Variants in GSTM4 observed in about 807,000 individuals in gnomAD.
GSTM4 encodes GST class-mu 4.
Under a neutral mutation model 30.1 loss-of-function variants are expected in GSTM4, and 27 were observed. That is an observed-to-expected ratio of 0.90 (90% CI 0.66 to 1.24). The LOEUF is 1.24. Ranked by LOEUF, GSTM4 falls within the 50% of genes most tolerant of loss-of-function variation. The pLI is 0.00. For missense variants in GSTM4, 238 were observed against 272.1 expected, an observed-to-expected ratio of 0.87 and a Z score of 0.88; for synonymous variants, 94 against 96.2, an observed-to-expected ratio of 0.98 and a Z score of 0.13.
At chr1:109,666,034 C>T (rs980207531), downstream of GSTM4, among the ~76,000 whole-genome samples, 26 of 152,190 alleles carry the variant, frequency 1.7e-4, no homozygotes, top group African/African-American at 5.1e-4. Context: ...TTGGCATTGA[C>T]TTTTGGGACC....
chr1:109,660,833 A>C, intron 7 of GSTM4: 1 of 316,186 alleles, frequency 3.2e-6, no homozygotes, highest in Non-Finnish European at 5.9e-6. Flanking sequence ...TGTTTCCCAC[A>C]TGAGAAATGG....
Position 109,661,288 on chromosome 1 carries a change from C to T in GSTM4, c.*34C>T, listed in dbSNP as rs1471408775. On this transcript the variant is annotated 3_prime_UTR_variant, in exon 8 of 8. Transcript: ENST00000369836. ...AGGCCAGGAGGTGGGAGTGAGGAGC[C>T]CATACTCAGCCTGCTGCCCAGGCTG... 2 of 1,612,718 alleles carry T rather than the reference C, an allele frequency of 1.2e-6. No individual in the cohort carries two copies. Among genetic ancestry groups the T allele is most frequent in the South Asian group, 1.1e-5 (1 of 91,076 alleles).
At chr1:109,659,290 C>T in intron 7 of GSTM4, 180 bp downstream of exon 7, 1 of 1,579,264 alleles carries the variant, frequency 6.3e-7, no homozygotes, top group Non-Finnish European at 8.6e-7. Flanking sequence ...TCCAACATTC[C>T]TACAGGGTGA....
intron 4 of GSTM4, 38 bp from the exon 5 acceptor site, chr1:109,657,734 G>A: frequency 6.2e-7 from 1 of 1,614,048 alleles, no homozygotes; most frequent in Non-Finnish European, 8.5e-7. Context: ...GGATTGGGGT[G>A]CTATGCTCAG....
chr1:109,656,931 C>T (rs1400739688), intron 2 of GSTM4, 144 bp downstream of exon 2: 1 of 923,588 alleles, frequency 1.1e-6, no homozygotes, highest in Admixed American at 1.8e-5. Flanking sequence ...GTGAGGGAGT[C>T]CTGTGGCCTT....
intron 5 of GSTM4, 93 bp downstream of exon 5, chr1:109,657,965 CCT>C: frequency 9.5e-7 from 1 of 1,049,944 alleles, no homozygotes; most frequent in Non-Finnish European, 1.5e-6. Flanking sequence ...TGCTATTGAT[CCT>C]CTGAGGGTTC....
rs758137693 is a variant in GSTM4, at chr1:109,659,069, G to A, written c.526G>A (p.Asp176Asn). 6.2e-7 allele frequency: 1 copy of A among 1,614,160 alleles called. No homozygotes were observed. Among genetic ancestry groups the A allele is most frequent in the Non-Finnish European group, 8.5e-7 (1 of 1,180,026 alleles). The change falls in exon 7 of 8, where the codon GAC becomes AAC. Residue 176 changes from aspartate to asparagine, a missense_variant. Coordinates refer to ENST00000369836, the MANE Select transcript of GSTM4 (RefSeq NM_000850.5). ...CCGTATATTTGAGCCCAACTGCTTG[G>A]ACGCCTTTCCAAATCTGAAGGACTT... ...LHRIFEPNCL[D>N]AFPNLKDFIS...
intron 5 of GSTM4, 62 bp downstream of exon 5, chr1:109,657,934 T>G: frequency 6.9e-7 from 1 of 1,455,092 alleles, no homozygotes; most frequent in East Asian, 2.3e-5. Context: ...TCTGGTCCTA[T>G]TCACAATTTG....
chr1:109,658,938 G>A, intron 6 of GSTM4, 29 bp downstream of exon 6: 1 of 1,612,016 alleles, frequency 6.2e-7, no homozygotes, highest in Non-Finnish European at 8.5e-7. Flanking sequence ...GAGGACACTA[G>A]AGATTTGCCA....
chr1:109,656,207 G>T lies in GSTM4; in HGVS notation c.-183G>T. The T allele has an allele frequency of 1.5e-6, 1 of 685,252 alleles. No individual in the cohort carries two copies. Among genetic ancestry groups the T allele is most frequent in the Admixed American group, 2.3e-5 (1 of 43,540 alleles). The allele number at this position is 685,252 out of a possible 1,614,324, so 42.4% of individuals were successfully genotyped here. A position where few individuals can be genotyped will look rare whatever the true frequency, so the allele number is the denominator to read the frequency against. The stretch of plus-strand genomic sequence containing the variant: ...TGCTCCGTGCCTCCCGCGCCTGTTG[G>T]TTGGAAGTGACGACCTTGAAGATCG... On this transcript the variant is annotated 5_prime_UTR_variant, in exon 1 of 8. Transcript: ENST00000369836.
intron 5 of GSTM4, 99 bp downstream of exon 5, chr1:109,657,971 A>G: frequency 9.8e-7 from 1 of 1,018,620 alleles, no homozygotes; most frequent in East Asian, 2.4e-5. Flanking sequence ...TGATCCTCTG[A>G]GGGTTCCCTG....
At chr1:109,662,716 A>G (rs561662394), downstream of GSTM4, among the ~76,000 whole-genome samples, 1 of 152,366 alleles carries the variant, frequency 6.6e-6, no homozygotes, top group South Asian at 2.1e-4. Context: ...TATCCCCACT[A>G]GAATGGCTGA....
downstream of GSTM4, among the ~76,000 whole-genome samples, chr1:109,663,348 T>C (rs1652371645): frequency 6.6e-6 from 1 of 152,210 alleles, no homozygotes; most frequent in South Asian, 2.1e-4. Flanking sequence ...TTAAGGCCTA[T>C]GCACTGTATG....
Position 109,661,324 on chromosome 1 carries a change from C to T in GSTM4, c.*70C>T, listed in dbSNP as rs552009737. 2.5e-4 allele frequency: 395 copies of T among 1,606,558 alleles called. No homozygotes were observed. Among genetic ancestry groups the T allele is most frequent in the Admixed American group, 9.4e-4 (55 of 58,648 alleles). On this transcript the variant is annotated 3_prime_UTR_variant, in exon 8 of 8. Transcript: ENST00000369836. ...CTGCTGCCCAGGCTGTGCAGCGCAG[C>T]TGGACTCTGCATCCCAGCACCTGCC...
chr1:109,660,550 G>C (rs1461826180), intron 7 of GSTM4: 1 of 154,422 alleles, frequency 6.5e-6, no homozygotes, highest in Admixed American at 6.4e-5. Context: ...TCCAGGTTTT[G>C]CCAGGTCCTT....
Position 109,657,877 on chromosome 1 carries a change from G to A in GSTM4, c.360+5G>A, listed in dbSNP as rs1652109136. 6.2e-7 allele frequency: 1 copy of A among 1,612,752 alleles called. No individual in the cohort carries two copies. The highest frequency in any genetic ancestry group is 1.3e-5 in the African/African-American group (1 of 74,900). ...GTCTGCTACAGCCCTGACTTTGTGA[G>A]TCCCTCCCTGGTCTGGACCAGAAGC... On this transcript the variant is annotated splice_donor_5th_base_variant and intron_variant, in intron 5 of 7. Coordinates refer to ENST00000369836, the MANE Select transcript of GSTM4 (RefSeq NM_000850.5).
chr1:109,664,964 C>G (rs772664856), downstream of GSTM4: 1 of 1,608,002 alleles, frequency 6.2e-7, no homozygotes, highest in Non-Finnish European at 8.5e-7. Flanking sequence ...GCAGTCAAGA[C>G]CTTCTCTCTA....
intron 5 of GSTM4, chr1:109,658,476 T>G: frequency 6.5e-6 from 2 of 308,576 alleles, no homozygotes; most frequent in African/African-American, 2.1e-5. Flanking sequence ...CTGAGCTCCT[T>G]TAGTTCTTTG....
intron 3 of GSTM4, 56 bp downstream of exon 3, chr1:109,657,335 A>T (rs1030682846): frequency 4.3e-5 from 68 of 1,595,324 alleles, no homozygotes; most frequent in Non-Finnish European, 5.6e-5. Flanking sequence ...CTCTGACTGC[A>T]TCTCCTCTCC....
Sources: allele counts gnomAD v4.1 joint callset (sites outside exome capture counted in the v4.1 genomes callset), GRCh38; gene constraint gnomAD v4.1.1; transcripts MANE v1.5; gene names NCBI Gene and HGNC (gene_info 2026-07-23, HGNC 2026-07-21).